Variants in FABP12 observed in about 807,000 individuals in gnomAD.
FABP12 encodes fatty acid-binding protein 12.
Under a neutral mutation model 13.7 loss-of-function variants are expected in FABP12, and 19 were observed. That is an observed-to-expected ratio of 1.39 (90% confidence interval 0.97 to 2.04). FABP12 has a LOEUF of 2.04. Among genes scored for constraint, FABP12 ranks in the 30% most tolerant of loss-of-function variants. The pLI is 0.00. For synonymous variants in FABP12, 61 were observed against 57.0 expected, an observed-to-expected ratio of 1.07 and a Z score of -0.32; for missense variants, 182 against 164.2, an observed-to-expected ratio of 1.11 and a Z score of -0.59.
chr8:81,588,470 A>G (rs1399634580), intron 1 of FABP12, among the ~76,000 whole-genome samples: 1 of 152,226 alleles, frequency 6.6e-6, no homozygotes, highest in Non-Finnish European at 1.5e-5. Context: ...GTTGGTATGT[A>G]TAAATGCTAC....
At chr8:81,525,370 G>T (rs1214544611) in intron 4 of FABP12, among the ~76,000 whole-genome samples, 2 of 152,066 alleles carry the variant, frequency 1.3e-5, no homozygotes, top group East Asian at 3.9e-4. Flanking sequence ...ACAAAAATTA[G>T]CCGGGGATGA....
upstream of FABP12, among the ~76,000 whole-genome samples, chr8:81,537,604 C>T (rs1303016098): frequency 1.3e-5 from 2 of 152,174 alleles, no homozygotes; most frequent in African/African-American, 4.8e-5. Context: ...TAAATATCTG[C>T]ATGAGTCTCT....
At chr8:81,565,529 G>A (rs1809804643) in intron 1 of FABP12, among the ~76,000 whole-genome samples, 2 of 151,820 alleles carry the variant, frequency 1.3e-5, no homozygotes, top group South Asian at 4.1e-4. Context: ...GGAATTTGGG[G>A]AACTATACAA....
At chr8:81,588,572 A>T (rs139996298) in intron 1 of FABP12, among the ~76,000 whole-genome samples, 337 of 152,280 alleles carry the variant, frequency 2.2e-3, no homozygotes, top group African/African-American at 7.2e-3. Flanking sequence ...CTTTCTAAGT[A>T]TAAGATCATG....
At chr8:81,568,236 G>C (rs1287420239) in intron 1 of FABP12, among the ~76,000 whole-genome samples, 4 of 151,446 alleles carry the variant, frequency 2.6e-5, no homozygotes. Flanking sequence ...TCTGACAAGA[G>C]ATTAATAACC....
chr8:81,549,051 C>A (rs951809536), intron 1 of FABP12, among the ~76,000 whole-genome samples: 8 of 152,084 alleles, frequency 5.3e-5, no homozygotes, highest in Non-Finnish European at 1.0e-4. Context: ...AAACACTGAC[C>A]TCTCCCAAAC....
At chr8:81,525,194 T>G (rs914614030) in intron 4 of FABP12, 74 bp from the exon 5 acceptor site, 2 of 948,400 alleles carry the variant, frequency 2.1e-6, no homozygotes, top group African/African-American at 3.3e-5. Context: ...GCAAACTAAG[T>G]ACTATCCACA....
At chr8:81,554,179 AATTT>A (rs1346263570) in intron 1 of FABP12, among the ~76,000 whole-genome samples, 1 of 152,218 alleles carries the variant, frequency 6.6e-6, no homozygotes, top group Admixed American at 6.5e-5. Context: ...AAGGCACCTA[AATTT>A]ATCAAGGACA....
chr8:81,578,864 A>T lies in FABP12; in HGVS notation c.-185+11189T>A, dbSNP rs1416164217. On this transcript the variant is annotated intron_variant, in intron 1 of 5. Transcript: ENST00000692030. ...TTTTGAGAAGGAGTCTCGCTCTGTC[A>T]CCCAAGCTGGAGTGCAGTGGCACAA... Among the ~76,000 whole-genome samples, 3 of 108,496 alleles carry T rather than the reference A, an allele frequency of 2.8e-5. No homozygotes were observed. The East Asian group carries it at 8.6e-4, about 31-fold the overall frequency. 71.2% of individuals were successfully genotyped at this position (108,496 alleles called of 152,430 possible).
chr8:81,569,009 A>C (rs546418541), intron 1 of FABP12, among the ~76,000 whole-genome samples: 1 of 152,200 alleles, frequency 6.6e-6, no homozygotes, highest in East Asian at 1.9e-4. Context: ...TTATGGGTAC[A>C]AAAATATAAT....
rs892784523 is a variant in FABP12 at position 81,577,496 on chromosome 8, C to T, written c.-185+12557G>A. 5.3e-5 allele frequency among the ~76,000 whole-genome samples: 8 copies of T among 152,114 alleles called. No homozygotes were observed. The South Asian group carries it at 1.0e-3, about 20-fold the overall frequency. On this transcript the variant is annotated intron_variant, in intron 1 of 5. Coordinates refer to the FABP12 transcript ENST00000692030. ...TCCAATGGCTGGGTGCAGTGGTTCA[C>T]GTCTGTAATCCCAGCACTTTGGGAG...
intron 4 of FABP12, among the ~76,000 whole-genome samples, chr8:81,525,476 A>G (rs992709263): frequency 6.6e-6 from 1 of 151,698 alleles, no homozygotes; most frequent in Non-Finnish European, 1.5e-5. Flanking sequence ...AGATCACACC[A>G]CTGCACTCCA....
Position 81,568,811 on chromosome 8 carries a change from C to A in FABP12, c.-185+21242G>T, listed in dbSNP as rs1809873604. On this transcript the variant is annotated intron_variant, in intron 1 of 5. Coordinates refer to the FABP12 transcript ENST00000692030. ...ACTAAGATCCTGTCATTTGTAGCAA[C>A]ATGGATGGAAGTAGAGTACATTATG... Among the ~76,000 whole-genome samples, 6 of 152,222 alleles carry A rather than the reference C, an allele frequency of 3.9e-5. No homozygotes were observed. In the Middle Eastern group the frequency reaches 0.01, roughly 259 times the overall value.
In FABP12 at chr8:81,574,099, T is replaced by C. The variant is rs182089044; in HGVS notation, c.-185+15954A>G. 5.9e-5 allele frequency among the ~76,000 whole-genome samples: 9 copies of C among 152,340 alleles called. No homozygotes were observed. The East Asian group carries it at 1.5e-3, about 26-fold the overall frequency. ...ATGTTGGCTGTGGGTTTGTCATAGA[T>C]GGCTTTTATTACATTGAGGTATGTC... On this transcript the variant is annotated intron_variant, in intron 1 of 5. Coordinates refer to the FABP12 transcript ENST00000692030.
At chr8:81,583,709 C>T (rs1353781309) in intron 1 of FABP12, among the ~76,000 whole-genome samples, 1 of 151,976 alleles carries the variant, frequency 6.6e-6, no homozygotes, top group African/African-American at 2.4e-5. Context: ...AAAAAGTCTC[C>T]CAACAAAGAA....
At chr8:81,580,296 G>T (rs1380421588) in intron 1 of FABP12, among the ~76,000 whole-genome samples, 1 of 152,080 alleles carries the variant, frequency 6.6e-6, no homozygotes, top group Non-Finnish European at 1.5e-5. Flanking sequence ...TTATTTTGGT[G>T]CCACTTTATT....
chr8:81,555,984 T>C (rs1245314562), intron 1 of FABP12, among the ~76,000 whole-genome samples: 1 of 152,138 alleles, frequency 6.6e-6, no homozygotes, highest in East Asian at 1.9e-4. Flanking sequence ...GAAATGGTGA[T>C]TTTTAGGGGA....
chr8:81,543,614 C>A (rs1809388598), intron 1 of FABP12, among the ~76,000 whole-genome samples: 1 of 151,868 alleles, frequency 6.6e-6, no homozygotes, highest in Non-Finnish European at 1.5e-5. Context: ...GTATGTATAC[C>A]CTGATCACAA....
At chr8:81,574,826 T>G (rs1724697365) in intron 1 of FABP12, among the ~76,000 whole-genome samples, 1 of 152,168 alleles carries the variant, frequency 6.6e-6, no homozygotes, top group African/African-American at 2.4e-5. Flanking sequence ...TGAGGTTACT[T>G]TGATTTTCTC....
Sources: allele counts gnomAD v4.1 joint callset (sites outside exome capture counted in the v4.1 genomes callset), GRCh38; gene constraint gnomAD v4.1.1; transcripts MANE v1.5; gene names NCBI Gene and HGNC (gene_info 2026-07-23, HGNC 2026-07-21).